The following RECQL4 variants were observed in gnomAD, a reference collection of about 807,000 sequenced individuals.
RECQL4 encodes ATP-dependent DNA helicase Q4.
A neutral mutation model predicts 128.6 loss-of-function variants in RECQL4; 158 were observed. The ratio of observed to expected loss-of-function variants is 1.23; its 90% CI spans 1.08 to 1.40. RECQL4 has a LOEUF of 1.40. RECQL4 is among the 40% of genes most tolerant of loss of function. RECQL4 has a pLI of 0.00. For synonymous variants in RECQL4, 996 were observed against 678.9 expected (o/e 1.47, Z -7.26); for missense variants, 2,293 against 1,649.8 (o/e 1.39, Z -6.75).
At chr8:144,515,521 A>G in intron 6 of RECQL4, 64 bp from the exon 7 acceptor site, 3 of 1,606,088 alleles carry the variant, frequency 1.9e-6, no homozygotes, top group Non-Finnish European at 8.5e-7. Context: ...ACTGGCCACA[A>G]CCTCTCCTTC....
At position 144,511,681 on chromosome 8, in the gene RECQL4, C is replaced by A. The variant is rs781543298; in HGVS notation, c.3502G>T (p.Gly1168Ter). ...GCGGGTGGGGCCTCCCAGGCCTCAC[C>A]GATGCCGTGGAAGATGCGGGCCACA... ...RAVARIFHGI[G>*]SPCYPAQVYG... The change falls in exon 20 of 21, where the codon GGA (glycine) becomes TGA (stop). Residue 1168 changes from glycine (G) to a stop codon, truncating the protein, a stop_gained and splice_region_variant. Transcript: ENST00000617875. LOFTEE classifies it low-confidence loss of function (END_TRUNC). The A allele has an allele frequency of 6.2e-7, 1 of 1,612,374 alleles. No individual in the cohort carries two copies. The highest frequency in any genetic ancestry group is 8.5e-7 in the Non-Finnish European group (1 of 1,179,704).
At chr8:144,515,920 G>A (rs200248164) in intron 5 of RECQL4, 30 bp from the exon 6 acceptor site, 104 of 1,612,528 alleles carry the variant, frequency 6.4e-5, no homozygotes, top group Non-Finnish European at 8.3e-5. Flanking sequence ...GAGGGTCACT[G>A]GGCGGGAAAT....
Position 144,512,197 on chromosome 8 carries a change from G to A in RECQL4, c.3183C>T (p.Ala1061=). 2 of 1,611,834 alleles carry A rather than the reference G, an allele frequency of 1.2e-6. No homozygotes were observed. Among genetic ancestry groups the A allele is most frequent in the Non-Finnish European group, 8.5e-7 (1 of 1,179,594 alleles). The change falls in exon 18 of 21, where the codon GCC becomes GCT. Residue 1061 remains alanine (A), a synonymous_variant. Transcript: ENST00000617875. ...ICDFLYGRVQ[A]RERQALARLR... is the part of the protein sequence containing the mutation. The stretch of plus-strand genomic sequence containing the variant: ...GACGGGCCAGGGCCTGGCGCTCCCG[G>A]GCCTGCACACGGCCATAGAGGAAGT...
At position 144,513,095 on chromosome 8, in the gene RECQL4, C is replaced by T. The variant is rs1827562066; in HGVS notation, c.2507G>A (p.Ser836Asn). 1 of 1,573,468 alleles carries T rather than the reference C, an allele frequency of 6.4e-7. No individual in the cohort carries two copies. Among genetic ancestry groups the T allele is most frequent in the Non-Finnish European group, 8.6e-7 (1 of 1,157,762 alleles). ...RELRRHVHAD[S>N]TDFLAVKRLV... is the part of the protein sequence containing the mutation. ...CCTCTTCACAGCCAGGAAGTCCGTGCTGTCGGCGTGCACATGTCTGCGCAG... is the reference window on the plus strand; with the variant it reads ...CCTCTTCACAGCCAGGAAGTCCGTGTTGTCGGCGTGCACATGTCTGCGCAG... The change falls in exon 15 of 21, where the codon AGC (serine) becomes AAC (asparagine). Residue 836 changes from serine (S) to asparagine (N), a missense_variant. By Grantham distance (46) the Ser-to-Asn change is conservative. Coordinates refer to ENST00000617875, the MANE Select transcript of RECQL4 (RefSeq NM_004260.4).
At position 144,512,832 on chromosome 8, in the gene RECQL4, C is replaced by T. The variant is rs777629597; in HGVS notation, c.2755+15G>A. ...AGCCCCTCCACACCCCTGTGGCTTA[C>T]CCCAGGTTCCTCACCCTCCTCCGGC... is the stretch of plus-strand genomic sequence containing the variant. On this transcript the variant is annotated intron_variant, in intron 15 of 20. Transcript: ENST00000617875. The T allele has an allele frequency of 1.2e-6, 2 of 1,607,486 alleles. No homozygotes were observed. Among genetic ancestry groups the T allele is most frequent in the South Asian group, 1.1e-5 (1 of 90,312 alleles).
In RECQL4 at chr8:144,513,199, G is replaced by C. The variant is rs549548131; in HGVS notation, c.2463+19C>G. 4.4e-5 allele frequency: 2 copies of C among 45,286 alleles called. No individual in the cohort carries two copies. The highest frequency in any genetic ancestry group is 2.3e-3 in the Middle Eastern group (1 of 432). 2.8% of individuals were successfully genotyped at this position (45,286 alleles called of 1,614,324 possible). Reference sequence around the variant, plus strand: ...CTGGGGGCTCGAGCACTGGCAGTGTGGGGGGGGGGGGTGCCAACCTGGGGC... The same window carrying C: ...CTGGGGGCTCGAGCACTGGCAGTGTCGGGGGGGGGGGTGCCAACCTGGGGC... On this transcript the variant is annotated intron_variant, in intron 14 of 20. Transcript: ENST00000617875.
In RECQL4 at chr8:144,511,680, C is replaced by G. The variant is rs757563486; in HGVS notation, c.3502+1G>C. 18 of 1,612,268 alleles carry G rather than the reference C, an allele frequency of 1.1e-5. No homozygotes were observed. The highest frequency in any genetic ancestry group is 6.7e-5 in the East Asian group (3 of 44,890). ...AGCGGGTGGGGCCTCCCAGGCCTCA[C>G]CGATGCCGTGGAAGATGCGGGCCAC... On this transcript the variant is annotated splice_donor_variant, in intron 20 of 20. Transcript: ENST00000617875. LOFTEE classifies it high-confidence loss of function.
rs781362169 is a variant in RECQL4 at position 144,513,553 on chromosome 8, GCT to G, written c.2200+16_2200+17del. The G allele has an allele frequency of 1.2e-6, 2 of 1,611,002 alleles. No individual in the cohort carries two copies. The highest frequency in any genetic ancestry group is 3.3e-5 in the Admixed American group (2 of 59,878). ...CCAAGGTGGGTCCACGGGGACACCA[GCT>G]CTGTCCATGCCGCACCTCCAGACCC... is the stretch of plus-strand genomic sequence containing the variant. On this transcript the variant is annotated intron_variant, in intron 13 of 20. Coordinates refer to ENST00000617875, the MANE Select transcript of RECQL4 (RefSeq NM_004260.4).
Position 144,516,454 on chromosome 8 carries a change from G to A in RECQL4, c.665C>T (p.Pro222Leu), listed in dbSNP as rs1452356265. 2.5e-6 allele frequency: 4 copies of A among 1,608,638 alleles called. No homozygotes were observed. Among genetic ancestry groups the A allele is most frequent in the Non-Finnish European group, 3.4e-6 (4 of 1,179,776 alleles). ...AGGACCAAGGACAGCCGACTCACCA[G>A]GGATCAGAAGTTGTGATTCCTCTGA... ...LGSEESQLLI[P>L]GESAVLGPGA... The change falls in exon 5 of 21, where the codon CCT becomes CTT. Residue 222 changes from proline (P) to leucine (L), a missense_variant. Pro to Leu is a moderately conservative substitution (Grantham distance 98). Transcript: ENST00000617875.
At position 144,512,496 on chromosome 8, in the gene RECQL4, G is replaced by T. The variant is rs777976493; in HGVS notation, c.2951C>A (p.Ser984Tyr). The T allele has an allele frequency of 4.3e-6, 7 of 1,612,516 alleles. No homozygotes were observed. Among genetic ancestry groups the T allele is most frequent in the Non-Finnish European group, 5.1e-6 (6 of 1,179,812 alleles). The stretch of plus-strand genomic sequence containing the variant: ...CAGCTTGACCATGTCAAACTCCACG[G>T]AGCTGCTGCCTTGCCCTGGGTCCTC... ...LPEDPGQGSS[S>Y]VEFDMVKLVD... Residue 984 changes from serine to tyrosine, a missense_variant, in exon 17 of 21, where the codon TCC becomes TAC. Transcript: ENST00000617875.
At position 144,512,734 on chromosome 8, in the gene RECQL4, T is replaced by G. The variant is rs2130667230; in HGVS notation, c.2793A>C (p.Pro931=). 1.2e-6 allele frequency: 2 copies of G among 1,612,196 alleles called. No individual in the cohort carries two copies. Among genetic ancestry groups the G allele is most frequent in the Non-Finnish European group, 1.7e-6 (2 of 1,179,792 alleles). The change falls in exon 16 of 21, where the codon CCA becomes CCC. Residue 931 remains proline (P), a synonymous_variant. Coordinates refer to ENST00000617875, the MANE Select transcript of RECQL4 (RefSeq NM_004260.4). The part of the protein sequence containing the change: ...ETLLCYLELH[P]HHWLELLATT... ...TCGCCAGCAGCTCCAGCCAGTGGTG[T>G]GGGTGCAGCTCCAGGTAGCACAGCA...
In RECQL4 at chr8:144,515,170, G is replaced by GCA; in HGVS notation, c.1461_1462dup (p.Ala488ValfsTer71). On this transcript the variant is annotated frameshift_variant, in exon 8 of 21. Coordinates refer to ENST00000617875, the MANE Select transcript of RECQL4 (RefSeq NM_004260.4). LOFTEE classifies it high-confidence loss of function. ...CTCACCAGACAGGATCCGCATGACT[G>GCA]CACGCTCCTGCCCAGGGCGAAAGGC... 6.4e-7 allele frequency: 1 copy of GCA among 1,564,910 alleles called. No homozygotes were observed. The highest frequency in any genetic ancestry group is 8.7e-7 in the Non-Finnish European group (1 of 1,155,756).
At chr8:144,514,711 C>A (rs762141943) in intron 9 of RECQL4, among the ~76,000 whole-genome samples, 186 bp from the exon 10 acceptor site, 10 of 152,194 alleles carry the variant, frequency 6.6e-5, no homozygotes, top group Non-Finnish European at 1.5e-4. Flanking sequence ...AGCAGACAGA[C>A]TGAAGTAGGG....
Position 144,517,527 on chromosome 8 carries a change from G to A in RECQL4, c.119-19C>T, listed in dbSNP as rs751409853. On this transcript the variant is annotated intron_variant, in intron 2 of 20. Coordinates refer to ENST00000617875, the MANE Select transcript of RECQL4 (RefSeq NM_004260.4). ...TAGAGCGCTGCGTGGGCGAGCGGGA[G>A]GCGGGGTCAGGGTGGGGCCTGGGCC... 1.9e-6 allele frequency: 3 copies of A among 1,570,986 alleles called. No individual in the cohort carries two copies. In the South Asian group the frequency reaches 3.5e-5, roughly 18 times the overall value.
At chr8:144,515,480 G>A (rs776934563) in intron 6 of RECQL4, 23 bp from the exon 7 acceptor site, 2 of 1,612,388 alleles carry the variant, frequency 1.2e-6, no homozygotes, top group Admixed American at 1.7e-5. Flanking sequence ...GGAGAGGGTA[G>A]AATGGGAGCT....
At position 144,515,662 on chromosome 8, in the gene RECQL4, T is replaced by C. The variant is rs1828052200; in HGVS notation, c.1258+102A>G. 4.0e-6 allele frequency: 6 copies of C among 1,492,612 alleles called. No individual in the cohort carries two copies. In the South Asian group the frequency reaches 5.1e-5, roughly 13 times the overall value. 92.5% of individuals were successfully genotyped at this position (1,492,612 alleles called of 1,614,324 possible). ...GCTAGGGTAGGGCCTGGACCAGGGG[T>C]ACCTGGAAGGCCTGTTGCTTGGAAC... On this transcript the variant is annotated intron_variant, in intron 6 of 20. Coordinates refer to ENST00000617875, the MANE Select transcript of RECQL4 (RefSeq NM_004260.4).
chr8:144,517,034 C>T lies in RECQL4; in HGVS notation c.354+16G>A. Reference sequence around the variant, plus strand: ...CTGTGGACCTAGCGTGGACTCACTGCCTGCCCACTCCTCACCTGCAGGGTG... The same window carrying T: ...CTGTGGACCTAGCGTGGACTCACTGTCTGCCCACTCCTCACCTGCAGGGTG... On this transcript the variant is annotated intron_variant, in intron 4 of 20. Coordinates refer to ENST00000617875, the MANE Select transcript of RECQL4 (RefSeq NM_004260.4). 6.2e-7 allele frequency: 1 copy of T among 1,603,838 alleles called. No individual in the cohort carries two copies. Among genetic ancestry groups the T allele is most frequent in the Non-Finnish European group, 8.5e-7 (1 of 1,173,024 alleles).
intron 6 of RECQL4, 64 bp downstream of exon 6, chr8:144,515,700 C>T (rs1564803686): frequency 1.3e-5 from 20 of 1,579,258 alleles, no homozygotes; most frequent in South Asian, 1.2e-4. Context: ...AAGTGTCCCC[C>T]AAAAGAGCAC....
Position 144,517,523 on chromosome 8 carries a change from G to T in RECQL4, c.119-15C>A. 6.3e-7 allele frequency: 1 copy of T among 1,575,768 alleles called. No homozygotes were observed. The highest frequency in any genetic ancestry group is 8.6e-7 in the Non-Finnish European group (1 of 1,167,748). On this transcript the variant is annotated splice_polypyrimidine_tract_variant and intron_variant, in intron 2 of 20. Transcript: ENST00000617875. ...CCGGTAGAGCGCTGCGTGGGCGAGC[G>T]GGAGGCGGGGTCAGGGTGGGGCCTG...
Sources: allele counts gnomAD v4.1 joint callset (sites outside exome capture counted in the v4.1 genomes callset), GRCh38; gene constraint gnomAD v4.1.1; transcripts MANE v1.5; gene names NCBI Gene and HGNC (gene_info 2026-07-23, HGNC 2026-07-21).